Variants in MGAT4A observed in about 807,000 individuals in gnomAD.
The protein encoded by MGAT4A is alpha-1,3-mannosyl-glycoprotein 4-beta-N-acetylglucosaminyltransferase A, also known as N-acetylglucosaminyltransferase IVa.
MGAT4A carries 33 observed loss-of-function variants against 74.1 expected under a neutral mutation model. The observed-to-expected ratio is 0.45, with a 90% CI of 0.34 to 0.60. MGAT4A has a LOEUF of 0.60. MGAT4A is among the 20% of genes least tolerant of loss of function. MGAT4A has a pLI of 0.02. For synonymous variants in MGAT4A, 198 were observed against 210.4 expected (o/e 0.94, Z 0.51); for missense variants, 479 against 628.3 (o/e 0.76, Z 2.54).
intron 8 of MGAT4A, among the ~76,000 whole-genome samples, chr2:98,647,846 A>G (rs1472511857): frequency 6.6e-6 from 1 of 152,180 alleles, no homozygotes; most frequent in Non-Finnish European, 1.5e-5. Flanking sequence ...GTAACCCCTG[A>G]CTCTACTGCC....
At chr2:98,725,317 TA>T (rs1365342150) in intron 2 of MGAT4A, among the ~76,000 whole-genome samples, 1 of 152,146 alleles carries the variant, frequency 6.6e-6, no homozygotes, top group Non-Finnish European at 1.5e-5. Flanking sequence ...ATTTTTAACA[TA>T]TACATGCACA....
chr2:98,645,595 GA>G, intron 8 of MGAT4A, 53 bp from the exon 9 acceptor site: 1 of 1,272,684 alleles, frequency 7.9e-7, no homozygotes, highest in South Asian at 1.7e-5. Flanking sequence ...AAGGTATTGA[GA>G]GAAGGATATT....
Position 98,624,733 on chromosome 2 carries a change from CA to C in MGAT4A, c.*832del, listed in dbSNP as rs1701119067. On this transcript the variant is annotated 3_prime_UTR_variant, in exon 16 of 16. Transcript: ENST00000393487. ...GAGGAAATATAATAAGTTAAGTCTA[CA>C]ATAATCTGGGTTGAATGCATCACAC... is the stretch of plus-strand genomic sequence containing the variant. 1 of 983,554 alleles carries C rather than the reference CA, an allele frequency of 1.0e-6. No homozygotes were observed. Among genetic ancestry groups the C allele is most frequent in the Admixed American group, 6.2e-5 (1 of 16,250 alleles). The allele number at this position is 983,554 out of a possible 1,614,324, so 60.9% of individuals were successfully genotyped here. A position where few individuals can be genotyped will look rare whatever the true frequency, so the allele number is the denominator to read the frequency against.
At chr2:98,642,387 G>A (rs1701423456) in intron 10 of MGAT4A, among the ~76,000 whole-genome samples, 1 of 152,236 alleles carries the variant, frequency 6.6e-6, no homozygotes. Context: ...TGTCAAGGAT[G>A]TGGCGACAGC....
intron 2 of MGAT4A, among the ~76,000 whole-genome samples, chr2:98,687,477 C>A (rs901366259): frequency 6.6e-6 from 1 of 152,154 alleles, no homozygotes; most frequent in Non-Finnish European, 1.5e-5. Flanking sequence ...CTGGATATTC[C>A]TTGTATGACC....
intron 2 of MGAT4A, among the ~76,000 whole-genome samples, chr2:98,683,473 G>A (rs1468786535): frequency 6.6e-6 from 1 of 152,160 alleles, no homozygotes; most frequent in Admixed American, 6.5e-5. Context: ...GAAGATGATA[G>A]AGGCAAAATG....
At chr2:98,671,456 G>A (rs1404895278) in intron 4 of MGAT4A, among the ~76,000 whole-genome samples, 2 of 152,128 alleles carry the variant, frequency 1.3e-5, no homozygotes, top group Non-Finnish European at 2.9e-5. Flanking sequence ...AATGGTCTAG[G>A]AGGCCCTACA....
Position 98,625,126 on chromosome 2 carries a change from A to G in MGAT4A, c.*440T>C. 1 of 857,808 alleles carries G rather than the reference A, an allele frequency of 1.2e-6. No homozygotes were observed. Among genetic ancestry groups the G allele is most frequent in the African/African-American group, 1.8e-5 (1 of 54,588 alleles). The allele number at this position is 857,808 out of a possible 1,614,324, so 53.1% of individuals were successfully genotyped here. On this transcript the variant is annotated 3_prime_UTR_variant, in exon 16 of 16. Coordinates refer to ENST00000393487, the MANE Select transcript of MGAT4A (RefSeq NM_012214.3). ...TAAGTGTTTCTAATAAATTAATTCC[A>G]TAACATTTTTATGTATATTTATATA...
At position 98,646,544 on chromosome 2, in the gene MGAT4A, A is replaced by T. The variant is rs550332321; in HGVS notation, c.775-1002T>A. ...CAACAGAGCAAGACCTCATCTCTAC[A>T]AAAAATTAAAAAATTAGCCAGGCAT... is the stretch of plus-strand genomic sequence containing the variant. On this transcript the variant is annotated intron_variant, in intron 8 of 15. Transcript: ENST00000393487. Among the ~76,000 whole-genome samples, 84 of 152,214 alleles carry T rather than the reference A, an allele frequency of 5.5e-4. 1 individual carries two copies. In the Middle Eastern group the frequency reaches 0.01, roughly 18 times the overall value.
intron 13 of MGAT4A, among the ~76,000 whole-genome samples, chr2:98,635,575 T>C (rs984952074): frequency 2.0e-5 from 3 of 152,124 alleles, no homozygotes; most frequent in African/African-American, 7.2e-5. Context: ...AACTGTGTAG[T>C]TAACTTGAAA....
At chr2:98,681,440 A>G (rs1484939035) in intron 2 of MGAT4A, among the ~76,000 whole-genome samples, 1 of 152,216 alleles carries the variant, frequency 6.6e-6, no homozygotes, top group African/African-American at 2.4e-5. Context: ...TTTCAGAACC[A>G]TATATGTTAT....
At chr2:98,636,690 C>T (rs1319871884) in intron 12 of MGAT4A, 95 bp from the exon 13 acceptor site, 4 of 1,038,730 alleles carry the variant, frequency 3.9e-6, no homozygotes, top group Non-Finnish European at 5.9e-6. Flanking sequence ...CTTTTCTACA[C>T]AAGACTCTAA....
intron 4 of MGAT4A, among the ~76,000 whole-genome samples, chr2:98,666,796 A>C (rs944339608): frequency 1.7e-4 from 26 of 152,224 alleles, no homozygotes; most frequent in African/African-American, 6.0e-4. Context: ...AGCAAAGCCC[A>C]TGGTGATCCA....
chr2:98,629,894 A>T (rs1701202502), intron 14 of MGAT4A, among the ~76,000 whole-genome samples: 1 of 152,108 alleles, frequency 6.6e-6, no homozygotes, highest in South Asian at 2.1e-4. Flanking sequence ...AAATACAAAA[A>T]TTAAGCCAGG....
intron 10 of MGAT4A, among the ~76,000 whole-genome samples, chr2:98,643,333 T>C (rs1273986940): frequency 6.6e-6 from 1 of 152,164 alleles, no homozygotes; most frequent in Non-Finnish European, 1.5e-5. Context: ...CTAATTACTC[T>C]TAACAATAAG....
At position 98,623,772 on chromosome 2, in the gene MGAT4A, T is replaced by G. The variant is rs1401713884; in HGVS notation, c.*1794A>C. 3.0e-6 allele frequency: 3 copies of G among 985,334 alleles called. No individual in the cohort carries two copies. The highest frequency in any genetic ancestry group is 4.7e-5 in the South Asian group (1 of 21,292). The allele number at this position is 985,334 out of a possible 1,614,324, so 61.0% of individuals were successfully genotyped here. ...TCAGTGTTTCCAAACGTTTGCACTTTGTAACACAGCACAGGAAATGATGCT... is the reference window on the plus strand; with the variant it reads ...TCAGTGTTTCCAAACGTTTGCACTTGGTAACACAGCACAGGAAATGATGCT... On this transcript the variant is annotated 3_prime_UTR_variant, in exon 16 of 16. Transcript: ENST00000393487.
At chr2:98,688,961 G>C (rs1702161692) in intron 2 of MGAT4A, among the ~76,000 whole-genome samples, 1 of 151,930 alleles carries the variant, frequency 6.6e-6, no homozygotes, top group Non-Finnish European at 1.5e-5. Context: ...AAAACTTTTT[G>C]CTATTTTATT....
At chr2:98,681,876 C>T in intron 2 of MGAT4A, among the ~76,000 whole-genome samples, 1 of 151,808 alleles carries the variant, frequency 6.6e-6, no homozygotes, top group South Asian at 2.1e-4. Flanking sequence ...AAAGTATTAC[C>T]AAAAGAAAAA....
At chr2:98,679,511 A>C (rs1418567754) in intron 2 of MGAT4A, among the ~76,000 whole-genome samples, 1 of 151,584 alleles carries the variant, frequency 6.6e-6, no homozygotes, top group African/African-American at 2.4e-5. Flanking sequence ...GTATGCCTGT[A>C]GTCTCAGCTA....
Sources: allele counts gnomAD v4.1 joint callset (sites outside exome capture counted in the v4.1 genomes callset), GRCh38; gene constraint gnomAD v4.1.1; transcripts MANE v1.5; gene names NCBI Gene and HGNC (gene_info 2026-07-23, HGNC 2026-07-21).